Variants in PCM1 observed in about 807,000 individuals in gnomAD.
PCM1 encodes pericentriolar material 1.
PCM1 carries 157 observed loss-of-function variants against 241.9 expected under a neutral mutation model. The ratio of observed to expected loss-of-function variants is 0.65; its 90% CI spans 0.57 to 0.74. PCM1 has a LOEUF of 0.74. Ranked by LOEUF, PCM1 falls within the 30% of genes least tolerant of loss-of-function variation. PCM1 has a pLI of 0.00. For synonymous variants in PCM1, 1,085 were observed against 784.9 expected, an observed-to-expected ratio of 1.38 and a Z score of -6.39; for missense variants, 3,478 against 2,360.1, an observed-to-expected ratio of 1.47 and a Z score of -9.81.
intron 35 of PCM1, 61 bp from the exon 36 acceptor site, chr8:18,014,516 ATTAGTAT>A: frequency 1.6e-6 from 2 of 1,274,872 alleles, no homozygotes; most frequent in Middle Eastern, 2.0e-4. Flanking sequence ...TATTGTCTTT[ATTAGTAT>A]AATAGTAAAA....
chr8:18,021,885 A>G (rs1270449870), intron 36 of PCM1, among the ~76,000 whole-genome samples: 11 of 152,186 alleles, frequency 7.2e-5, no homozygotes, highest in Admixed American at 1.3e-4. Context: ...TAGCTCTGAA[A>G]TGACTCAATA....
intron 35 of PCM1, 59 bp downstream of exon 35, chr8:18,014,095 TA>T (rs71545505): frequency 0.22 from 123,329 of 569,748 alleles, 1,217 homozygotes; most frequent in East Asian, 0.24. Context: ...GCTTTAAAGC[TA>T]AAAAAAAAAA....
At chr8:17,945,423 A>T (rs776795478) in intron 6 of PCM1, among the ~76,000 whole-genome samples, 8 of 152,184 alleles carry the variant, frequency 5.3e-5, no homozygotes, top group Non-Finnish European at 7.4e-5. Context: ...TTTGTTTCCC[A>T]TGCTCATGAA....
At chr8:17,992,582 T>C (rs2085078785) in intron 28 of PCM1, among the ~76,000 whole-genome samples, 1 of 151,904 alleles carries the variant, frequency 6.6e-6, no homozygotes, top group African/African-American at 2.4e-5. Flanking sequence ...TGAGAGGAGT[T>C]GTCTATATCC....
At position 18,014,061 on chromosome 8, in the gene PCM1, A is replaced by C. The variant is rs2092848112; in HGVS notation, c.5584+25A>C. ...AGTAAGAAATCTAAATAAGTCTTTG[A>C]TTTTAAGATAATTTCCTTTATTTGC... On this transcript the variant is annotated intron_variant, in intron 35 of 38. Coordinates refer to ENST00000325083, the MANE Select transcript of PCM1 (RefSeq NM_006197.4). 3 of 1,244,200 alleles carry C rather than the reference A, an allele frequency of 2.4e-6. No homozygotes were observed. The African/African-American group carries it at 4.8e-5, about 20-fold the overall frequency. The allele number at this position is 1,244,200 out of a possible 1,614,324, so 77.1% of individuals were successfully genotyped here. A position where few individuals can be genotyped will look rare whatever the true frequency, so the allele number is the denominator to read the frequency against.
At chr8:17,981,641 A>G (rs767681142) in intron 24 of PCM1, among the ~76,000 whole-genome samples, 1 of 152,236 alleles carries the variant, frequency 6.6e-6, no homozygotes, top group Non-Finnish European at 1.5e-5. Context: ...TTTAAAAATG[A>G]TAACAGCAGC....
At position 17,966,346 on chromosome 8, in the gene PCM1, C is replaced by T; in HGVS notation, c.3094C>T (p.Gln1032Ter). ...TCAATAGACTCTATCTTGTCTGCTA[C>T]AAACTCTTCTCACGGGTCCTTACAG... ...QDQQTLSCLL[Q>*]TLLTGPYSVM... Residue 1032 changes from glutamine to a stop codon, truncating the protein, a stop_gained, in exon 20 of 39, where the codon CAA becomes TAA. Transcript: ENST00000325083. LOFTEE classifies it high-confidence loss of function. 1 of 1,613,810 alleles carries T rather than the reference C, an allele frequency of 6.2e-7. No homozygotes were observed. The highest frequency in any genetic ancestry group is 8.5e-7 in the Non-Finnish European group (1 of 1,179,788).
intron 22 of PCM1, among the ~76,000 whole-genome samples, chr8:17,971,187 C>T (rs939554176): frequency 6.6e-6 from 1 of 152,138 alleles, no homozygotes; most frequent in Non-Finnish European, 1.5e-5. Context: ...AATATAAAAG[C>T]CATTCTTAGC....
chr8:17,981,533 T>C (rs774708179), intron 24 of PCM1, among the ~76,000 whole-genome samples: 11 of 152,108 alleles, frequency 7.2e-5, no homozygotes, highest in Admixed American at 2.6e-4. Flanking sequence ...CAAAGAAATA[T>C]GGAGAGAGAG....
chr8:17,973,261 T>C (rs949435990), intron 23 of PCM1, among the ~76,000 whole-genome samples: 1 of 152,176 alleles, frequency 6.6e-6, no homozygotes, highest in Non-Finnish European at 1.5e-5. Flanking sequence ...CTTACAAAAA[T>C]AGGTTTTCTG....
intron 29 of PCM1, among the ~76,000 whole-genome samples, chr8:18,005,398 T>C (rs1271202370): frequency 6.6e-6 from 1 of 151,574 alleles, no homozygotes; most frequent in East Asian, 1.9e-4. Flanking sequence ...ACACATACAT[T>C]ATTTTAAATG....
intron 18 of PCM1, among the ~76,000 whole-genome samples, chr8:17,965,188 C>T (rs539742285): frequency 2.0e-5 from 3 of 152,270 alleles, no homozygotes; most frequent in South Asian, 2.1e-4. Flanking sequence ...TGCAGAGCTT[C>T]CATGGTTTCC....
chr8:17,976,822 A>G (rs2078944004), intron 23 of PCM1, among the ~76,000 whole-genome samples: 1 of 152,144 alleles, frequency 6.6e-6, no homozygotes, highest in Non-Finnish European at 1.5e-5. Context: ...TAACTTTGGA[A>G]ATCTAGCCTT....
chr8:17,977,612 C>T (rs1443649054), intron 23 of PCM1, among the ~76,000 whole-genome samples: 2 of 152,048 alleles, frequency 1.3e-5, no homozygotes, highest in Non-Finnish European at 2.9e-5. Flanking sequence ...TGTTATTAAC[C>T]CTTCCCCTTA....
intron 21 of PCM1, among the ~76,000 whole-genome samples, chr8:17,968,673 TTACA>T (rs1403666640): frequency 6.6e-6 from 1 of 151,656 alleles, no homozygotes; most frequent in East Asian, 1.9e-4. Context: ...TCAATACTTC[TTACA>T]TACATATATT....
intron 38 of PCM1, among the ~76,000 whole-genome samples, chr8:18,026,639 T>A (rs1278336807): frequency 6.6e-6 from 1 of 152,174 alleles, no homozygotes; most frequent in Non-Finnish European, 1.5e-5. Flanking sequence ...GTTTTTAAGA[T>A]GCAGATAATA....
chr8:17,989,723 G>T (rs1587950615), intron 26 of PCM1, 136 bp from the exon 27 acceptor site: 1 of 610,222 alleles, frequency 1.6e-6, no homozygotes, highest in East Asian at 3.0e-5. Context: ...CATCTTGTTT[G>T]GACAGAATAC....
intron 6 of PCM1, among the ~76,000 whole-genome samples, chr8:17,942,242 G>A (rs1021774400): frequency 6.6e-6 from 1 of 152,120 alleles, no homozygotes; most frequent in Non-Finnish European, 1.5e-5. Context: ...TGAGGTGGGC[G>A]GATCACCTGA....
intron 8 of PCM1, among the ~76,000 whole-genome samples, chr8:17,951,502 A>T (rs2299597): frequency 0.22 from 32,908 of 152,144 alleles, 4,152 homozygotes; most frequent in East Asian, 0.4. Context: ...AAATAACCAG[A>T]AACAGCCCAA....
Sources: allele counts gnomAD v4.1 joint callset (sites outside exome capture counted in the v4.1 genomes callset), GRCh38; gene constraint gnomAD v4.1.1; transcripts MANE v1.5; gene names NCBI Gene and HGNC (gene_info 2026-07-23, HGNC 2026-07-21).